The following CHRM3 variants were observed in gnomAD, a reference collection of about 807,000 sequenced individuals.
CHRM3 encodes cholinergic receptor muscarinic 3.
Under a neutral mutation model 41.8 loss-of-function variants are expected in CHRM3, and 11 were observed. The observed-to-expected ratio is 0.26, with a 90% CI of 0.17 to 0.44. The LOEUF (loss-of-function observed/expected upper bound fraction) is 0.44, where lower values mean the gene tolerates loss of function less well. Ranked by LOEUF, CHRM3 falls within the 20% of genes least tolerant of loss-of-function variation. The pLI is 1.00. For synonymous variants in CHRM3, 297 were observed against 301.4 expected (o/e 0.99, Z 0.15); for missense variants, 571 against 745.4 (o/e 0.77, Z 2.72).
At chr1:239,857,405 T>C (rs1050984100) in intron 6 of CHRM3, among the ~76,000 whole-genome samples, 2 of 152,184 alleles carry the variant, frequency 1.3e-5, no homozygotes, top group Non-Finnish European at 2.9e-5. Flanking sequence ...CTACCACGAA[T>C]AAGTTAAATA....
At position 239,834,382 on chromosome 1, in the gene CHRM3, G is replaced by A. The variant is rs550290131; in HGVS notation, c.-20+7004G>A. 5.7e-5 allele frequency among the ~76,000 whole-genome samples: 8 copies of A among 140,938 alleles called. No homozygotes were observed. The South Asian group carries it at 1.1e-3, about 20-fold the overall frequency. The allele number at this position is 140,938 out of a possible 152,430, so 92.5% of individuals were successfully genotyped here. A position where few individuals can be genotyped will look rare whatever the true frequency, so the allele number is the denominator to read the frequency against. On this transcript the variant is annotated intron_variant, in intron 6 of 6. Coordinates refer to ENST00000676153, the MANE Select transcript of CHRM3 (RefSeq NM_001375978.1). ...GGCTGGAGTGCGATGGCACAATCTC[G>A]GCTCACTGTGGCCTCTGCCTTCCAG...
At chr1:239,580,689 T>TTATATATATATATATATATATATATATA (rs1165930612) in intron 3 of CHRM3, among the ~76,000 whole-genome samples, 38 of 65,050 alleles carry the variant, frequency 5.8e-4, no homozygotes, top group South Asian at 1.8e-3. Flanking sequence ...TTGCCCAATT[T>TTATATATATATATATATATATATATATA]TATATATATA....
rs542106347 is a variant in CHRM3, at chr1:239,887,489, C to T, written c.-19-19944C>T. Among the ~76,000 whole-genome samples, 219 of 152,302 alleles carry T rather than the reference C, an allele frequency of 1.4e-3. 1 individual carries two copies. Among genetic ancestry groups the T allele is most frequent in the Admixed American group, 1.2e-3 (18 of 15,292 alleles). ...ACCCCCACCTCAGCCTCCCAAAGTG[C>T]TGGGATTACAGGCGTGAGCCATGGT... On this transcript the variant is annotated intron_variant, in intron 6 of 6. Coordinates refer to ENST00000676153, the MANE Select transcript of CHRM3 (RefSeq NM_001375978.1).
intron 2 of CHRM3, among the ~76,000 whole-genome samples, chr1:239,532,430 A>G (rs867871750): frequency 2.1e-4 from 31 of 151,212 alleles, no homozygotes; most frequent in African/African-American, 6.8e-4. Flanking sequence ...GATCGAGACC[A>G]TCCTGGCCAA....
intron 4 of CHRM3, among the ~76,000 whole-genome samples, chr1:239,656,096 C>G (rs2148989423): frequency 6.6e-6 from 1 of 151,832 alleles, no homozygotes; most frequent in East Asian, 1.9e-4. Flanking sequence ...TGGGAGGTAA[C>G]ATTGGGTACA....
intron 1 of CHRM3, among the ~76,000 whole-genome samples, chr1:239,389,196 A>G (rs923791698): frequency 6.6e-6 from 1 of 152,238 alleles, no homozygotes; most frequent in African/African-American, 2.4e-5. Flanking sequence ...GGAAAAATGT[A>G]ATTTGGGAAA....
intron 5 of CHRM3, among the ~76,000 whole-genome samples, chr1:239,810,008 A>G (rs878954937): frequency 6.6e-6 from 1 of 152,324 alleles, no homozygotes; most frequent in East Asian, 1.9e-4. Flanking sequence ...GAGACGGGTA[A>G]GATTCTGCAT....
intron 4 of CHRM3, among the ~76,000 whole-genome samples, chr1:239,662,931 C>CTTCTTCTTCTTCTTCTTCT (rs1558431560): frequency 2.8e-5 from 4 of 144,058 alleles, no homozygotes; most frequent in South Asian, 2.2e-4. Flanking sequence ...TCTTCTTCTT[C>CTTCTTCTTCTTCTTCTTCT]TCCTCTTCTT....
intron 5 of CHRM3, chr1:239,703,545 T>A (rs771619727): frequency 2.0e-4 from 30 of 152,130 alleles, no homozygotes; most frequent in Non-Finnish European, 3.2e-4. Flanking sequence ...AGCATTAAAA[T>A]CAAATTATAC....
chr1:239,590,245 T>C (rs1663972702), intron 3 of CHRM3, among the ~76,000 whole-genome samples: 1 of 152,206 alleles, frequency 6.6e-6, no homozygotes, highest in Non-Finnish European at 1.5e-5. Flanking sequence ...ATTGAATTTC[T>C]TTCCCTCATA....
intron 5 of CHRM3, chr1:239,704,004 C>A (rs940701319): frequency 3.3e-5 from 5 of 152,142 alleles, no homozygotes; most frequent in Admixed American, 1.3e-4. Flanking sequence ...AGAAGTAGTT[C>A]TTTGGGAAGG....
Position 239,404,408 on chromosome 1 carries a change from GAAAAAGAAAGAAAGAAAGAA to G in CHRM3, c.-521+17183_-521+17202del, listed in dbSNP as rs1660338500. Among the ~76,000 whole-genome samples the G allele has an allele frequency of 3.3e-3, 130 of 38,812 alleles. 6 individuals are homozygous for G. In the East Asian group the frequency reaches 0.049, roughly 15 times the overall value. The allele number at this position is 38,812 out of a possible 152,430, so 25.5% of individuals were successfully genotyped here. A position where few individuals can be genotyped will look rare whatever the true frequency, so the allele number is the denominator to read the frequency against. On this transcript the variant is annotated intron_variant, in intron 1 of 6. Transcript: ENST00000676153. Reference sequence around the variant, plus strand: ...AGAAAGAAAGAAAGAAAGAAAGAAAGAAAAAGAAAGAAAGAAAGAAAGAAAGAAAGAAAGAAAGAAAGAAA... The same window carrying G: ...AGAAAGAAAGAAAGAAAGAAAGAAAGAGAAAGAAAGAAAGAAAGAAAGAAA...
chr1:239,491,373 C>A (rs1667543869), intron 1 of CHRM3, among the ~76,000 whole-genome samples: 1 of 152,288 alleles, frequency 6.6e-6, no homozygotes, highest in South Asian at 2.1e-4. Flanking sequence ...CTTCAGTAAC[C>A]ACTGTTCTAT....
intron 1 of CHRM3, among the ~76,000 whole-genome samples, chr1:239,418,190 C>T (rs1036507282): frequency 1.3e-5 from 2 of 152,136 alleles, no homozygotes; most frequent in African/African-American, 4.8e-5. Context: ...TTCTGAAGAC[C>T]CAGCACTGCT....
intron 5 of CHRM3, among the ~76,000 whole-genome samples, chr1:239,776,477 G>A (rs776975285): frequency 4.4e-4 from 67 of 152,090 alleles, no homozygotes; most frequent in Non-Finnish European, 8.2e-4. Context: ...TAATGTGGCT[G>A]CTCAGAACTA....
At position 239,493,187 on chromosome 1, in the gene CHRM3, A is replaced by C. The variant is rs548472597; in HGVS notation, c.-422+380A>C. Reference sequence around the variant, plus strand: ...GAATTGTTTCTTTTAATATGATGAAATACTAGAAATATACAATTGGTGAAG... The same window carrying C: ...GAATTGTTTCTTTTAATATGATGAACTACTAGAAATATACAATTGGTGAAG... On this transcript the variant is annotated intron_variant, in intron 2 of 6. Transcript: ENST00000676153. 3.5e-4 allele frequency among the ~76,000 whole-genome samples: 53 copies of C among 152,352 alleles called. 1 individual carries two copies. Among genetic ancestry groups the C allele is most frequent in the African/African-American group, 1.2e-3 (50 of 41,580 alleles).
chr1:239,578,980 A>T (rs1403208436), intron 3 of CHRM3, among the ~76,000 whole-genome samples: 1 of 152,156 alleles, frequency 6.6e-6, no homozygotes, highest in Non-Finnish European at 1.5e-5. Flanking sequence ...GATCCTATTA[A>T]CTTTACAATG....
At chr1:239,751,463 A>T (rs1026161526) in intron 5 of CHRM3, among the ~76,000 whole-genome samples, 1 of 152,202 alleles carries the variant, frequency 6.6e-6, no homozygotes, top group Non-Finnish European at 1.5e-5. Flanking sequence ...TGCAAAGTAA[A>T]TCTCTAATTT....
chr1:239,395,067 A>G (rs1659363685), intron 1 of CHRM3, among the ~76,000 whole-genome samples: 1 of 152,100 alleles, frequency 6.6e-6, no homozygotes, highest in African/African-American at 2.4e-5. Context: ...GTCCTGGTTA[A>G]TCTCTTAGCA....
Sources: allele counts gnomAD v4.1 joint callset (sites outside exome capture counted in the v4.1 genomes callset), GRCh38; gene constraint gnomAD v4.1.1; transcripts MANE v1.5; gene names NCBI Gene and HGNC (gene_info 2026-07-23, HGNC 2026-07-21).